RYR2: variants seen among roughly 807,000 people sequenced by gnomAD.
RYR2 encodes cardiac muscle ryanodine receptor-calcium release channel.
RYR2 carries 227 observed loss-of-function variants against 601.1 expected under a neutral mutation model. That is an observed-to-expected ratio of 0.38 (90% CI 0.34 to 0.42). RYR2 has a LOEUF of 0.42. Ranked by LOEUF, RYR2 falls within the 10% of genes least tolerant of loss-of-function variation. The probability of loss-of-function intolerance (pLI) is 1.00; values close to 1 mark genes in which losing one functional copy is unlikely to be tolerated. For missense variants in RYR2, 4,646 were observed against 6,156.5 expected (o/e 0.75, Z 8.21); for synonymous variants, 2,223 against 2,175.1 (o/e 1.02, Z -0.61).
At chr1:237,832,413 A>ATAGTT (rs1558506592) in intron 104 of RYR2, 139 bp from the exon 105 acceptor site, 3 of 504,474 alleles carry the variant, frequency 5.9e-6, no homozygotes, top group African/African-American at 5.9e-5. Context: ...AAGGTCTGGT[A>ATAGTT]TAGTTAGTTA....
intron 2 of RYR2, among the ~76,000 whole-genome samples, chr1:237,315,845 T>C (rs1317268957): frequency 3.3e-5 from 5 of 152,188 alleles, no homozygotes; most frequent in Admixed American, 6.5e-5. Flanking sequence ...TGTAGTTTAA[T>C]AGTAACCATT....
chr1:237,535,350 T>C (rs1251569940), intron 25 of RYR2, among the ~76,000 whole-genome samples: 1 of 151,742 alleles, frequency 6.6e-6, no homozygotes, highest in Non-Finnish European at 1.5e-5. Context: ...TTTTGAAAAA[T>C]GTAACAAATG....
At chr1:237,729,323 T>C (rs1014560945) in intron 76 of RYR2, among the ~76,000 whole-genome samples, 16 of 152,232 alleles carry the variant, frequency 1.1e-4, no homozygotes, top group African/African-American at 3.6e-4. Context: ...GCATGTGTGC[T>C]ACTTAAAAGC....
At chr1:237,084,509 T>C (rs1193372352) in intron 1 of RYR2, among the ~76,000 whole-genome samples, 1 of 152,094 alleles carries the variant, frequency 6.6e-6, no homozygotes, top group Non-Finnish European at 1.5e-5. Context: ...TTCATGAACA[T>C]TAAGGTTGTT....
chr1:237,314,231 A>T lies in RYR2; in HGVS notation c.169-16647A>T, dbSNP rs1025328678. ...AGGCACCCGCAACCACGCCCAGCTA[A>T]TTTTTTGTATTTTTATTAGAGACAG... On this transcript the variant is annotated intron_variant, in intron 2 of 104. Coordinates refer to ENST00000366574, the MANE Select transcript of RYR2 (RefSeq NM_001035.3). Among the ~76,000 whole-genome samples the T allele has an allele frequency of 2.0e-5, 3 of 151,624 alleles. No homozygotes were observed. The East Asian group carries it at 5.8e-4, about 30-fold the overall frequency.
chr1:237,807,949 A>G (rs961409691), intron 99 of RYR2, among the ~76,000 whole-genome samples: 1 of 152,232 alleles, frequency 6.6e-6, no homozygotes, highest in Non-Finnish European at 1.5e-5. Flanking sequence ...CAACTGGGTG[A>G]AAAGCCACAT....
At chr1:237,649,367 T>C (rs1165615970) in intron 49 of RYR2, among the ~76,000 whole-genome samples, 1 of 152,206 alleles carries the variant, frequency 6.6e-6, no homozygotes, top group Non-Finnish European at 1.5e-5. Context: ...GTTTTGTGTA[T>C]TCACCTGACG....
At chr1:237,683,948 G>A (rs1312467777) in intron 62 of RYR2, among the ~76,000 whole-genome samples, 1 of 139,098 alleles carries the variant, frequency 7.2e-6, no homozygotes, top group African/African-American at 2.7e-5. Flanking sequence ...CTTCTTTTGA[G>A]GTAGAGTCTC....
chr1:237,449,318 C>G (rs933190036), intron 14 of RYR2, among the ~76,000 whole-genome samples: 2 of 151,992 alleles, frequency 1.3e-5, no homozygotes, highest in Non-Finnish European at 2.9e-5. Context: ...TGGTTACTTA[C>G]GGTTTATAGC....
At chr1:237,805,820 A>C (rs915695276) in intron 98 of RYR2, among the ~76,000 whole-genome samples, 1 of 151,996 alleles carries the variant, frequency 6.6e-6, no homozygotes, top group Non-Finnish European at 1.5e-5. Flanking sequence ...CCTTCTAGCT[A>C]TTTGAAACTA....
intron 3 of RYR2, among the ~76,000 whole-genome samples, chr1:237,335,391 T>C (rs1697147719): frequency 6.6e-6 from 1 of 152,188 alleles, no homozygotes; most frequent in South Asian, 2.1e-4. Flanking sequence ...AAGTGAGAGG[T>C]GACGTAGTAT....
chr1:237,463,591 A>G (rs1659722343), intron 16 of RYR2, among the ~76,000 whole-genome samples: 1 of 152,200 alleles, frequency 6.6e-6, no homozygotes, highest in African/African-American at 2.4e-5. Flanking sequence ...CTATAATCTC[A>G]TAACTTTGGG....
In RYR2 at chr1:237,092,637, C is replaced by G. The variant is rs371388594; in HGVS notation, c.48+50068C>G. On this transcript the variant is annotated intron_variant, in intron 1 of 104. Coordinates refer to ENST00000366574, the MANE Select transcript of RYR2 (RefSeq NM_001035.3). The stretch of plus-strand genomic sequence containing the variant: ...CTCCGCCTCCTGGGTTCAAGTGATT[C>G]TCCTGCCTCAGCCTCCCGAGTAACT... Among the ~76,000 whole-genome samples, 5 of 150,746 alleles carry G rather than the reference C, an allele frequency of 3.3e-5. No individual in the cohort carries two copies. The Admixed American group carries it at 3.3e-4, about 10-fold the overall frequency.
At chr1:237,207,149 A>G (rs1681904441) in intron 1 of RYR2, among the ~76,000 whole-genome samples, 1 of 152,066 alleles carries the variant, frequency 6.6e-6, no homozygotes, top group Non-Finnish European at 1.5e-5. Context: ...TCTACCAAAA[A>G]AAAAAAAAAA....
chr1:237,542,098 ATTTATTTATTTT>A (rs1430822928), intron 25 of RYR2, among the ~76,000 whole-genome samples: 6 of 123,432 alleles, frequency 4.9e-5, no homozygotes, highest in African/African-American at 1.5e-4. Context: ...TTATTTATTT[ATTTATTTATTTT>A]GAGACAGAGT....
chr1:237,599,020 T>C (rs1365288832), intron 34 of RYR2, among the ~76,000 whole-genome samples: 1 of 152,064 alleles, frequency 6.6e-6, no homozygotes, highest in Non-Finnish European at 1.5e-5. Context: ...GCCAACAAAT[T>C]GGATAACCTA....
rs1454511953 is a variant in RYR2 at position 237,606,310 on chromosome 1, A to G, written c.4683+4199A>G. Among the ~76,000 whole-genome samples, 3 of 152,336 alleles carry G rather than the reference A, an allele frequency of 2.0e-5. No individual in the cohort carries two copies. The East Asian group carries it at 5.8e-4, about 29-fold the overall frequency. The stretch of plus-strand genomic sequence containing the variant: ...TTTGACAAACCTGACAAAAACAAGA[A>G]ATGGGGAAACGATTCCCTATTTAAT... On this transcript the variant is annotated intron_variant, in intron 35 of 104. Transcript: ENST00000366574.
intron 14 of RYR2, among the ~76,000 whole-genome samples, chr1:237,448,887 C>T (rs999026238): frequency 1.3e-5 from 2 of 151,486 alleles, no homozygotes; most frequent in African/African-American, 4.9e-5. Context: ...TTCTTTTAAG[C>T]AATAAGTAGT....
chr1:237,567,898 T>C (rs564023552), intron 28 of RYR2, among the ~76,000 whole-genome samples: 3 of 151,558 alleles, frequency 2.0e-5, no homozygotes, highest in East Asian at 3.9e-4. Flanking sequence ...CCACTTAGTT[T>C]TGAAACATCA....
Sources: gnomAD v4.1 joint callset for allele counts (sites outside exome capture counted in the v4.1 genomes callset) on GRCh38, gnomAD v4.1.1 for gene constraint, MANE v1.5 for transcripts, NCBI Gene and HGNC (gene_info 2026-07-23, HGNC 2026-07-21) for gene names.